Variants in CD40 observed in about 807,000 individuals in gnomAD.
The protein encoded by CD40 is CD40 molecule.
In CD40, 19 loss-of-function variants were observed where a neutral mutation model predicts 38.5. The observed-to-expected ratio is 0.49, with a 90% CI of 0.34 to 0.72. The LOEUF (loss-of-function observed/expected upper bound fraction) is 0.72. Ranked by LOEUF, CD40 falls within the 30% of genes least tolerant of loss-of-function variation. CD40 has a pLI of 0.01. For missense variants in CD40, 256 were observed against 344.1 expected, an observed-to-expected ratio of 0.74 and a Z score of 2.03; for synonymous variants, 130 against 128.7, an observed-to-expected ratio of 1.01 and a Z score of -0.07.
chr20:46,120,935 C>T (rs2085305669), intron 1 of CD40, among the ~76,000 whole-genome samples: 3 of 152,140 alleles, frequency 2.0e-5, no homozygotes. Flanking sequence ...CATAGTGGTA[C>T]ACACCTGTAA....
intron 1 of CD40, among the ~76,000 whole-genome samples, chr20:46,118,693 T>C (rs987491769): frequency 3.4e-4 from 52 of 151,864 alleles, no homozygotes; most frequent in Non-Finnish European, 5.7e-4. Flanking sequence ...ACACAGAGAC[T>C]GGTAGGGGGT....
chr20:46,119,109 A>G (rs1357640095), intron 1 of CD40, among the ~76,000 whole-genome samples: 1 of 152,170 alleles, frequency 6.6e-6, no homozygotes, highest in Admixed American at 6.5e-5. Context: ...TGGAGAAACC[A>G]GGGGTTTCTC....
At chr20:46,128,682 C>A (rs2085488284) in intron 8 of CD40, 200 bp from the exon 9 acceptor site, 2 of 665,522 alleles carry the variant, frequency 3.0e-6, no homozygotes, top group Non-Finnish European at 5.3e-6. Context: ...CCCCTTAAGC[C>A]CACTGGCTCC....
intron 6 of CD40, chr20:46,127,842 G>A (rs1446437111): frequency 2.1e-6 from 1 of 473,626 alleles, no homozygotes; most frequent in Non-Finnish European, 3.8e-6. Context: ...TCCCAGGTGG[G>A]GAGGCTGCCA....
Position 46,128,989 on chromosome 20 carries a change from C to A in CD40, c.783C>A (p.Val261=). The A allele has an allele frequency of 6.2e-7, 1 of 1,614,176 alleles. No individual in the cohort carries two copies. The highest frequency in any genetic ancestry group is 1.1e-5 in the South Asian group (1 of 91,074). ...AGACTTTACATGGATGCCAACCGGT[C>A]ACCCAGGAGGATGGCAAAGAGAGTC... is the stretch of plus-strand genomic sequence containing the variant. ...VQETLHGCQP[V]TQEDGKESRI... The change falls in exon 9 of 9, where the codon GTC becomes GTA. Residue 261 remains valine, a synonymous_variant. Coordinates refer to ENST00000372285, the MANE Select transcript of CD40 (RefSeq NM_001250.6).
chr20:46,122,166 A>T lies in CD40; in HGVS notation c.131-67A>T. On this transcript the variant is annotated intron_variant, in intron 2 of 8. Transcript: ENST00000372285. The surrounding 1 kb of genome is among the most constrained non-coding windows in gnomAD (Gnocchi z 5.0). The stretch of plus-strand genomic sequence containing the variant: ...CCCTACCCTAAAGCCTGGCCTGATC[A>T]TTGTGTGGTTAGTGTCTGACTCATG... 6.3e-7 allele frequency: 1 copy of T among 1,590,354 alleles called. No individual in the cohort carries two copies. The highest frequency in any genetic ancestry group is 1.1e-5 in the South Asian group (1 of 90,370).
chr20:46,126,907 G>A, intron 6 of CD40: 2 of 749,306 alleles, frequency 2.7e-6, no homozygotes, highest in Non-Finnish European at 4.4e-6. Context: ...AAAATGGGAT[G>A]ATAACAGCAC....
chr20:46,121,633 C>A, intron 1 of CD40, 187 bp from the exon 2 acceptor site: 1 of 659,986 alleles, frequency 1.5e-6, no homozygotes. Flanking sequence ...TCTCTGGGTG[C>A]GATTATAATC....
chr20:46,125,546 C>CAAAA (rs60475326), intron 5 of CD40, among the ~76,000 whole-genome samples: 2 of 69,424 alleles, frequency 2.9e-5, no homozygotes, highest in Non-Finnish European at 2.6e-5. Context: ...GACTCTGTCT[C>CAAAA]AAAAAAAAAA....
At chr20:46,121,106 A>G (rs187792007) in intron 1 of CD40, among the ~76,000 whole-genome samples, 21 of 152,344 alleles carry the variant, frequency 1.4e-4, no homozygotes, top group Non-Finnish European at 2.4e-4. Flanking sequence ...ATAAGTAATT[A>G]ATAGCATGGG....
At position 46,118,999 on chromosome 20, in the gene CD40, C is replaced by A. The variant is rs374147549; in HGVS notation, c.51+605C>A. Among the ~76,000 whole-genome samples, 3 of 32,176 alleles carry A rather than the reference C, an allele frequency of 9.3e-5. No homozygotes were observed. In the South Asian group the frequency reaches 5.2e-3, roughly 55 times the overall value. 21.1% of individuals were successfully genotyped at this position (32,176 alleles called of 152,430 possible). A position where few individuals can be genotyped will look rare whatever the true frequency, so the allele number is the denominator to read the frequency against. ...CCTTTTTCTCCTGAATTTAAGATGA[C>A]ATAGGAGACCCCTGGGGAGATGAAC... On this transcript the variant is annotated intron_variant, in intron 1 of 8. Coordinates refer to ENST00000372285, the MANE Select transcript of CD40 (RefSeq NM_001250.6).
At chr20:46,123,089 T>C (rs1176199193) in intron 4 of CD40, 37 bp from the exon 5 acceptor site, 11 of 1,484,084 alleles carry the variant, frequency 7.4e-6, no homozygotes, top group Non-Finnish European at 7.5e-6. Context: ...GGTGGTCCAC[T>C]GTGATGGTTA....
Position 46,129,283 on chromosome 20 carries a change from CAG to C in CD40, c.*246_*247del. On this transcript the variant is annotated 3_prime_UTR_variant, in exon 9 of 9. Coordinates refer to ENST00000372285, the MANE Select transcript of CD40 (RefSeq NM_001250.6). ...CCAGTCTCCCAACTTGTATTAAAGA[CAG>C]AGGCAGAAGTTTGGTGGTGGTGGTG... 1 of 539,456 alleles carries C rather than the reference CAG, an allele frequency of 1.9e-6. No homozygotes were observed. 33.4% of individuals were successfully genotyped at this position (539,456 alleles called of 1,614,324 possible). A position where few individuals can be genotyped will look rare whatever the true frequency, so the allele number is the denominator to read the frequency against.
chr20:46,128,886 C>T lies in CD40; in HGVS notation c.680C>T (p.Pro227Leu), dbSNP rs2085495630. 1 of 1,614,092 alleles carries T rather than the reference C, an allele frequency of 6.2e-7. No homozygotes were observed. The highest frequency in any genetic ancestry group is 8.5e-7 in the Non-Finnish European group (1 of 1,179,972). Residue 227 changes from proline to leucine, a missense_variant, in exon 9 of 9, where the codon CCC (proline) becomes CTC (leucine). Coordinates refer to ENST00000372285, the MANE Select transcript of CD40 (RefSeq NM_001250.6). ...CCTCACACCTTGCCTCTCCAGGCCC[C>T]CCACCCCAAGCAGGAACCCCAGGAG... Reference protein sequence around the residue: ...KVAKKPTNKAPHPKQEPQEIN... With the variant: ...KVAKKPTNKALHPKQEPQEIN...
In CD40 at chr20:46,122,901, T is replaced by C; in HGVS notation, c.403+145T>C. The C allele has an allele frequency of 1.9e-6, 2 of 1,077,140 alleles. No homozygotes were observed. The highest frequency in any genetic ancestry group is 5.1e-5 in the East Asian group (2 of 39,058). 66.7% of individuals were successfully genotyped at this position (1,077,140 alleles called of 1,614,324 possible). ...TGTCGGTATCCCCACTGGAGTGAGC[T>C]GCAGACGGGACCTTGTTCATTCTGC... On this transcript the variant is annotated intron_variant, in intron 4 of 8. Coordinates refer to ENST00000372285, the MANE Select transcript of CD40 (RefSeq NM_001250.6). This position sits in a 1 kb window ranked among gnomAD's most constrained non-coding sequence, Gnocchi z 5.0.
At chr20:46,123,259 G>A in intron 5 of CD40, 40 bp downstream of exon 5, 1 of 1,446,750 alleles carries the variant, frequency 6.9e-7, no homozygotes, top group Non-Finnish European at 9.7e-7. Context: ...CTCTAAGAGT[G>A]GCATGGAGCT....
Position 46,118,413 on chromosome 20 carries a change from G to C in CD40, c.51+19G>C. On this transcript the variant is annotated intron_variant, in intron 1 of 8. Coordinates refer to ENST00000372285, the MANE Select transcript of CD40 (RefSeq NM_001250.6). ...GACCGCTGTGAGTTGTTTTTGCCCC[G>C]ACCAGACGGGAGTTGGGAGTGGGGA... 6.2e-7 allele frequency: 1 copy of C among 1,601,226 alleles called. No individual in the cohort carries two copies. Among genetic ancestry groups the C allele is most frequent in the South Asian group, 1.1e-5 (1 of 90,890 alleles).
chr20:46,122,759 A>C lies in CD40; in HGVS notation c.403+3A>C. 1 of 1,614,104 alleles carries C rather than the reference A, an allele frequency of 6.2e-7. No homozygotes were observed. The highest frequency in any genetic ancestry group is 8.5e-7 in the Non-Finnish European group (1 of 1,180,000). On this transcript the variant is annotated splice_donor_region_variant and intron_variant, in intron 4 of 8. Coordinates refer to ENST00000372285, the MANE Select transcript of CD40 (RefSeq NM_001250.6). This position sits in a 1 kb window ranked among gnomAD's most constrained non-coding sequence, Gnocchi z 5.0. ...CGGCTTTGGGGTCAAGCAGATTGGT[A>C]AGTGGCTCATCTGGGAATCAGTTTT...
rs2085449115 is a variant in CD40 at position 46,126,922 on chromosome 20, TTAG to T, written c.559+225_559+227del. Reference sequence around the variant, plus strand: ...AAAATGGGATGATAACAGCACTTCCTTAGTAGGTTTTGATTTTAGAGTGAGAAG... The same window carrying T: ...AAAATGGGATGATAACAGCACTTCCTTAGGTTTTGATTTTAGAGTGAGAAG... On this transcript the variant is annotated intron_variant, in intron 6 of 8. Transcript: ENST00000372285. The T allele has an allele frequency of 4.6e-6, 3 of 656,702 alleles. No individual in the cohort carries two copies. The South Asian group carries it at 5.6e-5, about 12-fold the overall frequency. The allele number at this position is 656,702 out of a possible 1,614,324, so 40.7% of individuals were successfully genotyped here. A position where few individuals can be genotyped will look rare whatever the true frequency, so the allele number is the denominator to read the frequency against.
Sources: allele counts gnomAD v4.1 joint callset (sites outside exome capture counted in the v4.1 genomes callset), GRCh38; gene constraint gnomAD v4.1.1; non-coding constraint Gnocchi (gnomAD v3.1); transcripts MANE v1.5; gene names NCBI Gene and HGNC (gene_info 2026-07-23, HGNC 2026-07-21).